The following GLI3 variants were observed in gnomAD, a reference collection of about 807,000 sequenced individuals.
GLI3 encodes GLI family zinc finger 3, also known as transcription activator GLI3.
In GLI3, 20 loss-of-function variants were observed where a neutral mutation model predicts 100.8. The ratio of observed to expected loss-of-function variants is 0.20; its 90% CI spans 0.14 to 0.29. The LOEUF (loss-of-function observed/expected upper bound fraction) is 0.29. Ranked by LOEUF, GLI3 falls within the 10% of genes least tolerant of loss-of-function variation. The pLI is 1.00. For synonymous variants in GLI3, 938 were observed against 860.5 expected, an observed-to-expected ratio of 1.09 and a Z score of -1.58; for missense variants, 2,040 against 2,128.5, an observed-to-expected ratio of 0.96 and a Z score of 0.82.
intron 3 of GLI3, among the ~76,000 whole-genome samples, chr7:42,082,235 T>A (rs1427228322): frequency 6.6e-6 from 1 of 151,998 alleles, no homozygotes; most frequent in East Asian, 2.0e-4. Context: ...CCAGGCCTCA[T>A]CACTGTCTCT....
At chr7:41,971,635 C>T (rs1261932759) in intron 13 of GLI3, among the ~76,000 whole-genome samples, 36 of 152,152 alleles carry the variant, frequency 2.4e-4, no homozygotes, top group Non-Finnish European at 2.9e-5. Context: ...GGTTCAGGCC[C>T]AACTGCAGAA....
intron 10 of GLI3, among the ~76,000 whole-genome samples, chr7:41,979,138 C>G (rs1787587464): frequency 6.6e-6 from 1 of 152,220 alleles, no homozygotes; most frequent in Non-Finnish European, 1.5e-5. Flanking sequence ...GCGATTGAGG[C>G]TAAACAACTG....
intron 2 of GLI3, among the ~76,000 whole-genome samples, chr7:42,189,229 A>G (rs1056605102): frequency 3.9e-5 from 6 of 152,258 alleles, no homozygotes; most frequent in Non-Finnish European, 5.9e-5. Context: ...AAAATAAACT[A>G]TAATCCAGCC....
At chr7:42,101,198 A>G (rs1785452971) in intron 3 of GLI3, among the ~76,000 whole-genome samples, 1 of 152,222 alleles carries the variant, frequency 6.6e-6, no homozygotes, top group Admixed American at 6.5e-5. Flanking sequence ...CAGTATGCCC[A>G]TCGTCATTTT....
At chr7:42,113,262 A>G (rs1785760302) in intron 3 of GLI3, 1 of 522,020 alleles carries the variant, frequency 1.9e-6, no homozygotes, top group South Asian at 1.6e-5. Context: ...AGTACGGAGC[A>G]GTGTGAAGAA....
chr7:41,984,454 G>C (rs888555188), intron 10 of GLI3, among the ~76,000 whole-genome samples: 4 of 152,122 alleles, frequency 2.6e-5, no homozygotes, highest in Admixed American at 6.5e-5. Context: ...GGATCGATAA[G>C]TGTCCTCCCT....
intron 10 of GLI3, among the ~76,000 whole-genome samples, chr7:42,012,483 G>A (rs1237596828): frequency 3.3e-5 from 5 of 152,104 alleles, no homozygotes; most frequent in African/African-American, 1.2e-4. Context: ...GGCAGTTCAC[G>A]TTAAGCAATT....
chr7:41,983,575 A>G (rs1179785052), intron 10 of GLI3, among the ~76,000 whole-genome samples: 1 of 152,216 alleles, frequency 6.6e-6, no homozygotes, highest in African/African-American at 2.4e-5. Flanking sequence ...AATCAAATAT[A>G]TAAATAATTT....
chr7:42,170,463 C>T (rs1042451235), intron 2 of GLI3, among the ~76,000 whole-genome samples: 8 of 133,726 alleles, frequency 6.0e-5, no homozygotes, highest in Non-Finnish European at 1.1e-4. Flanking sequence ...AGTGCAGTGG[C>T]ACAATCTCCG....
At chr7:42,236,206 C>T (rs2128707379) in intron 1 of GLI3, among the ~76,000 whole-genome samples, 1 of 152,248 alleles carries the variant, frequency 6.6e-6, no homozygotes, top group Non-Finnish European at 1.5e-5. Context: ...ACCCTCTCTG[C>T]CTTCTCCCGC....
intron 2 of GLI3, among the ~76,000 whole-genome samples, chr7:42,174,452 G>C (rs895304600): frequency 6.6e-6 from 1 of 152,056 alleles, no homozygotes; most frequent in Non-Finnish European, 1.5e-5. Flanking sequence ...AGCCAGTCCC[G>C]CGGACTCAGT....
At position 42,194,759 on chromosome 7, in the gene GLI3, C is replaced by CTTTTTTTTTTTTTTTT. The variant is rs61524545; in HGVS notation, c.124+28355_124+28370dup. Among the ~76,000 whole-genome samples, 7 of 108,978 alleles carry CTTTTTTTTTTTTTTTT rather than the reference C, an allele frequency of 6.4e-5. 1 individual carries two copies. The highest frequency in any genetic ancestry group is 8.9e-5 in the Non-Finnish European group (5 of 56,406). The allele number at this position is 108,978 out of a possible 152,430, so 71.5% of individuals were successfully genotyped here. A position where few individuals can be genotyped will look rare whatever the true frequency, so the allele number is the denominator to read the frequency against. On this transcript the variant is annotated intron_variant, in intron 2 of 14. Transcript: ENST00000395925. ...AATGCATCAACTTCTCTCTCTGTCT[C>CTTTTTTTTTTTTTTTT]TTTTTTTTTTTTTTTTTGGAGTCGG...
At position 42,077,384 on chromosome 7, in the gene GLI3, T is replaced by TTTA. The variant is rs35245217; in HGVS notation, c.368-528_368-527insTAA. On this transcript the variant is annotated intron_variant, in intron 3 of 14. Transcript: ENST00000395925. ...TGCATGTGCTTCTTTTTTTTTTTTTTAACTTAAATACATATTCCCCTCCTT... is the reference window on the plus strand; with the variant it reads ...TGCATGTGCTTCTTTTTTTTTTTTTTTTAAACTTAAATACATATTCCCCTCCTT... 2.9e-4 allele frequency among the ~76,000 whole-genome samples: 44 copies of TTTA among 149,484 alleles called. No homozygotes were observed. The East Asian group carries it at 3.0e-3, about 10-fold the overall frequency.
intron 1 of GLI3, among the ~76,000 whole-genome samples, chr7:42,246,462 C>T (rs77213299): frequency 6.6e-6 from 1 of 152,018 alleles, no homozygotes; most frequent in Non-Finnish European, 1.5e-5. Context: ...TTTTTTTGTT[C>T]TCATTTATTT....
chr7:42,015,752 C>T (rs1788742266), intron 10 of GLI3, among the ~76,000 whole-genome samples: 3 of 151,952 alleles, frequency 2.0e-5, no homozygotes, highest in South Asian at 2.1e-4. Flanking sequence ...CACACACACC[C>T]ACCCCCCCAC....
rs141318425 is a variant in GLI3 at position 42,055,818 on chromosome 7, T to G, written c.474-7122A>C. 1.2e-4 allele frequency among the ~76,000 whole-genome samples: 18 copies of G among 152,360 alleles called. No individual in the cohort carries two copies. The East Asian group carries it at 2.7e-3, about 23-fold the overall frequency. On this transcript the variant is annotated intron_variant, in intron 4 of 14. Transcript: ENST00000395925. ...TGGATTTTAATTTTTAAAAACTACA[T>G]GTATAACCACACAGATGAACATTTC...
chr7:42,022,354 CGT>C (rs1032851959), intron 10 of GLI3, among the ~76,000 whole-genome samples: 52 of 152,178 alleles, frequency 3.4e-4, no homozygotes, highest in East Asian at 7.7e-4. Context: ...GCCTATGAAA[CGT>C]GTGGGATGTA....
At chr7:42,238,935 GA>G (rs1293098339), upstream of GLI3, among the ~76,000 whole-genome samples, 1 of 152,186 alleles carries the variant, frequency 6.6e-6, no homozygotes, top group East Asian at 1.9e-4. Context: ...GATGAATGAT[GA>G]GCTATTAGAA....
intron 10 of GLI3, among the ~76,000 whole-genome samples, chr7:41,998,566 A>G (rs1788197188): frequency 6.6e-6 from 1 of 152,200 alleles, no homozygotes; most frequent in African/African-American, 2.4e-5. Flanking sequence ...CTCTCATCAG[A>G]CTATGAAGTA....
Sources: allele counts gnomAD v4.1 joint callset (sites outside exome capture counted in the v4.1 genomes callset), GRCh38; gene constraint gnomAD v4.1.1; transcripts MANE v1.5; gene names NCBI Gene and HGNC (gene_info 2026-07-23, HGNC 2026-07-21).